The following PCDHA13 variants were observed in gnomAD, a reference collection of about 807,000 sequenced individuals.
PCDHA13 encodes protocadherin alpha-13.
Under a neutral mutation model 64.8 loss-of-function variants are expected in PCDHA13, and 54 were observed. The ratio of observed to expected loss-of-function variants is 0.83; its 90% CI spans 0.67 to 1.04. The LOEUF (loss-of-function observed/expected upper bound fraction) is 1.04. Among genes scored for constraint, PCDHA13 ranks in the 50% least tolerant of loss-of-function variants. PCDHA13 has a pLI of 0.00. For missense variants in PCDHA13, 1,248 were observed against 1,254.3 expected (o/e 0.99, Z 0.08); for synonymous variants, 587 against 564.4 (o/e 1.04, Z -0.57).
intron 1 of PCDHA13, among the ~76,000 whole-genome samples, chr5:140,914,826 CA>C: frequency 6.6e-6 from 1 of 151,812 alleles, no homozygotes; most frequent in East Asian, 1.9e-4. Context: ...ACTGCATAAA[CA>C]AAAAACAAAC....
At chr5:140,958,343 T>C (rs904666839) in intron 1 of PCDHA13, among the ~76,000 whole-genome samples, 2 of 152,144 alleles carry the variant, frequency 1.3e-5, no homozygotes, top group African/African-American at 4.8e-5. Flanking sequence ...TCACAGGAAG[T>C]TCACAGTCTG....
chr5:140,985,683 G>A (rs926848363), intron 3 of PCDHA13, among the ~76,000 whole-genome samples: 3 of 151,224 alleles, frequency 2.0e-5, no homozygotes, highest in African/African-American at 7.3e-5. Context: ...CCTGCCTTAC[G>A]CTAATCCTCG....
chr5:140,905,963 G>A (rs182775194), intron 1 of PCDHA13, among the ~76,000 whole-genome samples: 9 of 152,308 alleles, frequency 5.9e-5, no homozygotes, highest in Admixed American at 5.9e-4. Flanking sequence ...TCAAGGGGAG[G>A]AAGATCCAGC....
At chr5:140,941,310 CTTCT>C (rs2093024652) in intron 1 of PCDHA13, among the ~76,000 whole-genome samples, 1 of 79,250 alleles carries the variant, frequency 1.3e-5, no homozygotes, top group Non-Finnish European at 2.6e-5. Flanking sequence ...CTTTCTTTTT[CTTCT>C]TTCTCTTTTT....
At chr5:140,965,496 ATT>A (rs71766133) in intron 1 of PCDHA13, among the ~76,000 whole-genome samples, 87 of 146,352 alleles carry the variant, frequency 5.9e-4, no homozygotes, top group Middle Eastern at 3.6e-3. Context: ...ATGACAGCAG[ATT>A]TTTTTTTTTT....
chr5:140,967,665 C>T (rs782126222), intron 1 of PCDHA13: 23 of 1,614,036 alleles, frequency 1.4e-5, no homozygotes, highest in East Asian at 2.2e-5. Context: ...AGCAGCTACA[C>T]GTCGGACCGG....
intron 1 of PCDHA13, among the ~76,000 whole-genome samples, chr5:140,895,848 G>C (rs147299280): frequency 2.2e-3 from 342 of 152,098 alleles, no homozygotes; most frequent in African/African-American, 8.1e-3. Context: ...TCTCACTCTT[G>C]TACCCCAGGC....
rs1344675374 is a variant in PCDHA13 at position 140,952,992 on chromosome 5, ACT to A, written c.2395-25951_2395-25950del. Among the ~76,000 whole-genome samples, 6 of 151,892 alleles carry A rather than the reference ACT, an allele frequency of 4.0e-5. No individual in the cohort carries two copies. In the East Asian group the frequency reaches 7.7e-4, roughly 20 times the overall value. On this transcript the variant is annotated intron_variant, in intron 1 of 3. Transcript: ENST00000289272. ...TTTTAAACAACAAGATCTCATGAGAACTCTCTCACTATTATGAGAACAACATT... is the reference window on the plus strand; with the variant it reads ...TTTTAAACAACAAGATCTCATGAGAACTCTCACTATTATGAGAACAACATT...
At chr5:140,917,238 G>A (rs144302098) in intron 1 of PCDHA13, among the ~76,000 whole-genome samples, 1 of 150,440 alleles carries the variant, frequency 6.6e-6, no homozygotes, top group Non-Finnish European at 1.5e-5. Flanking sequence ...TTAAATCTAG[G>A]TACTACGATT....
chr5:140,884,745 A>G (rs1479357916), intron 1 of PCDHA13, 83 bp downstream of exon 1: 20 of 1,431,734 alleles, frequency 1.4e-5, no homozygotes, highest in Non-Finnish European at 1.7e-5. Context: ...TTTCCTGCCA[A>G]TTTCAAATTA....
chr5:140,968,714 G>A, intron 1 of PCDHA13: 1 of 1,614,150 alleles, frequency 6.2e-7, no homozygotes, highest in South Asian at 1.1e-5. Flanking sequence ...GAAGATGGGA[G>A]ATGAGAGTGG....
rs1554181246 is a variant in PCDHA13 at position 140,884,125 on chromosome 5, C to T, written c.1857C>T (p.Arg619=). 1 of 1,613,416 alleles carries T rather than the reference C, an allele frequency of 6.2e-7. No homozygotes were observed. Among genetic ancestry groups the T allele is most frequent in the Admixed American group, 1.7e-5 (1 of 60,004 alleles). Residue 619 remains arginine (R), a synonymous_variant, in exon 1 of 4, where the codon CGC becomes CGT. Transcript: ENST00000289272. The part of the protein sequence containing the change: ...YELQLAAVGA[R]IPFRVGLYTG... ...TGCAGCTGGCGGCGGTCGGCGCGCGCATCCCGTTCCGCGTGGGGCTGTACA... is the reference window on the plus strand; with the variant it reads ...TGCAGCTGGCGGCGGTCGGCGCGCGTATCCCGTTCCGCGTGGGGCTGTACA...
At chr5:140,923,275 C>T (rs1296197801) in intron 1 of PCDHA13, among the ~76,000 whole-genome samples, 1 of 152,128 alleles carries the variant, frequency 6.6e-6, no homozygotes, top group African/African-American at 2.4e-5. Flanking sequence ...CTTGTCTCTA[C>T]AAAAAATTAA....
chr5:140,921,888 A>G (rs1430604991), intron 1 of PCDHA13, among the ~76,000 whole-genome samples: 8 of 152,090 alleles, frequency 5.3e-5, no homozygotes, highest in African/African-American at 1.9e-4. Context: ...AGATTTTAGA[A>G]AGGAGGATAA....
chr5:140,927,325 C>T, intron 1 of PCDHA13: 6 of 1,614,234 alleles, frequency 3.7e-6, no homozygotes, highest in South Asian at 1.1e-5. Context: ...CCGCTTTACT[C>T]TCCCGAATGC....
Position 141,010,424 on chromosome 5 carries a change from C to A in PCDHA13, c.*487C>A. ...CTTAGACTAATTGGTACAAGGAAGGCAAGAAAACAAAGACAAATAAACAGC... is the reference window on the plus strand; with the variant it reads ...CTTAGACTAATTGGTACAAGGAAGGAAAGAAAACAAAGACAAATAAACAGC... On this transcript the variant is annotated 3_prime_UTR_variant, in exon 4 of 4. Transcript: ENST00000289272. The A allele has an allele frequency of 9.0e-7, 1 of 1,113,698 alleles. No homozygotes were observed. The highest frequency in any genetic ancestry group is 1.2e-6 in the Non-Finnish European group (1 of 808,116). 69.0% of individuals were successfully genotyped at this position (1,113,698 alleles called of 1,614,324 possible). A position where few individuals can be genotyped will look rare whatever the true frequency, so the allele number is the denominator to read the frequency against.
chr5:140,912,900 T>A (rs979059809), intron 1 of PCDHA13, among the ~76,000 whole-genome samples: 1 of 152,264 alleles, frequency 6.6e-6, no homozygotes, highest in Non-Finnish European at 1.5e-5. Context: ...ATATGATGTA[T>A]CATATTGATT....
At position 140,984,581 on chromosome 5, in the gene PCDHA13, C is replaced by T. The variant is rs141574202; in HGVS notation, c.2542+2018C>T. ...TCCAACTACTCCATGGCAACCTAAT[C>T]ATACTTTTCAATACATACCTCTGCA... On this transcript the variant is annotated intron_variant, in intron 3 of 3. Transcript: ENST00000289272. 4.4e-3 allele frequency among the ~76,000 whole-genome samples: 664 copies of T among 152,272 alleles called. 7 individuals carry two copies. The highest frequency in any genetic ancestry group is 0.013 in the African/African-American group (558 of 41,552).
chr5:141,007,181 G>A (rs372000063), intron 3 of PCDHA13, among the ~76,000 whole-genome samples: 1 of 152,134 alleles, frequency 6.6e-6, no homozygotes, highest in East Asian at 1.9e-4. Context: ...AAGGTCAGGA[G>A]AATGTTTTGA....
Sources: gnomAD v4.1 joint callset for allele counts (sites outside exome capture counted in the v4.1 genomes callset) on GRCh38, gnomAD v4.1.1 for gene constraint, MANE v1.5 for transcripts, NCBI Gene and HGNC (gene_info 2026-07-23, HGNC 2026-07-21) for gene names.